Variants in CD72 observed in about 807,000 individuals in gnomAD.
CD72 encodes B-cell differentiation antigen CD72.
Under a neutral mutation model 50.7 loss-of-function variants are expected in CD72, and 28 were observed. The ratio of observed to expected loss-of-function variants is 0.55; its 90% CI spans 0.41 to 0.76. The LOEUF is 0.76. Ranked by LOEUF, CD72 falls within the 30% of genes least tolerant of loss-of-function variation. CD72 has a pLI of 0.00. For missense variants in CD72, 403 were observed against 420.6 expected, an observed-to-expected ratio of 0.96 and a Z score of 0.37; for synonymous variants, 176 against 171.2, an observed-to-expected ratio of 1.03 and a Z score of -0.22.
chr9:35,645,591 A>C (rs1442079756), intron 1 of CD72, among the ~76,000 whole-genome samples: 2 of 112,706 alleles, frequency 1.8e-5, no homozygotes, highest in African/African-American at 5.3e-5. Context: ...CAAAAAACAA[A>C]AACAAACAAA....
At chr9:35,625,717 G>A (rs566584753) in intron 1 of CD72, among the ~76,000 whole-genome samples, 3 of 152,284 alleles carry the variant, frequency 2.0e-5, no homozygotes, top group East Asian at 3.9e-4. Flanking sequence ...AATGCAGCTC[G>A]TGGCTTTAAG....
At chr9:35,630,076 G>A (rs1823230039) in intron 1 of CD72, among the ~76,000 whole-genome samples, 1 of 129,382 alleles carries the variant, frequency 7.7e-6, no homozygotes, top group Non-Finnish European at 1.6e-5. Flanking sequence ...TTGCCCTGTC[G>A]CCGCCCAGGC....
chr9:35,616,812 T>C, intron 3 of CD72, 123 bp from the exon 4 acceptor site: 1 of 1,009,744 alleles, frequency 9.9e-7, no homozygotes, highest in Non-Finnish European at 1.5e-6. Context: ...GGTGCAGAGC[T>C]GAGGGGGCAA....
At chr9:35,613,994 G>T (rs959891781) in intron 5 of CD72, among the ~76,000 whole-genome samples, 1 of 150,654 alleles carries the variant, frequency 6.6e-6, no homozygotes, top group Non-Finnish European at 1.5e-5. Context: ...GTGCACTTCA[G>T]TCTCACAGAG....
chr9:35,632,114 A>G (rs1463811995), intron 1 of CD72, among the ~76,000 whole-genome samples: 4 of 150,490 alleles, frequency 2.7e-5, no homozygotes, highest in African/African-American at 4.9e-5. Context: ...AAAGATATCC[A>G]TTTCCTCTAA....
At chr9:35,610,536 GA>G (rs1347797649) in intron 8 of CD72, 65 bp downstream of exon 8, 5 of 297,708 alleles carry the variant, frequency 1.7e-5, no homozygotes, top group African/African-American at 7.7e-5. Context: ...CCCCTGCTCT[GA>G]GTCCCTGCTC....
At chr9:35,632,270 C>T (rs966273925) in intron 1 of CD72, among the ~76,000 whole-genome samples, 3 of 149,456 alleles carry the variant, frequency 2.0e-5, no homozygotes, top group South Asian at 2.1e-4. Context: ...CTCCGTCTTC[C>T]GGGTTCACGC....
chr9:35,616,485 A>C, intron 4 of CD72, 115 bp downstream of exon 4: 1 of 971,886 alleles, frequency 1.0e-6, no homozygotes, highest in South Asian at 1.4e-5. Flanking sequence ...CCAAACCCAA[A>C]GCTAAGGAGG....
At chr9:35,625,182 T>G (rs1238682519) in intron 1 of CD72, among the ~76,000 whole-genome samples, 1 of 152,204 alleles carries the variant, frequency 6.6e-6, no homozygotes. Context: ...TTAGCCAAGT[T>G]GCAAATGCAA....
At chr9:35,636,275 T>C (rs1823288930) in intron 1 of CD72, among the ~76,000 whole-genome samples, 1 of 152,174 alleles carries the variant, frequency 6.6e-6, no homozygotes, top group African/African-American at 2.4e-5. Context: ...AAGTCACCCC[T>C]GGTTGAGAAC....
upstream of CD72, among the ~76,000 whole-genome samples, chr9:35,620,661 T>A (rs1345276827): frequency 6.6e-6 from 1 of 151,968 alleles, no homozygotes; most frequent in Non-Finnish European, 1.5e-5. Flanking sequence ...TGAAATCCCA[T>A]CTGTATTAAA....
intron 5 of CD72, 98 bp downstream of exon 5, chr9:35,615,845 C>T: frequency 1.0e-6 from 1 of 966,500 alleles, no homozygotes; most frequent in South Asian, 1.5e-5. Flanking sequence ...TGCCCCTTTC[C>T]TGAACACCTC....
At chr9:35,625,245 G>T (rs762104952) in intron 1 of CD72, among the ~76,000 whole-genome samples, 1 of 152,224 alleles carries the variant, frequency 6.6e-6, no homozygotes, top group Non-Finnish European at 1.5e-5. Context: ...ACACAGAAAT[G>T]ATAAGAAAGC....
chr9:35,614,141 G>A (rs187319729), intron 5 of CD72, among the ~76,000 whole-genome samples: 1 of 152,366 alleles, frequency 6.6e-6, no homozygotes, highest in Admixed American at 6.5e-5. Flanking sequence ...ATATTATGAG[G>A]AAGAGAAAGT....
chr9:35,622,594 C>G (rs193209259), upstream of CD72, among the ~76,000 whole-genome samples: 4 of 152,072 alleles, frequency 2.6e-5, no homozygotes, highest in Non-Finnish European at 4.4e-5. Flanking sequence ...CGAGACCAGC[C>G]TGGCCAATAT....
intron 1 of CD72, among the ~76,000 whole-genome samples, chr9:35,635,130 C>T (rs1353291127): frequency 6.6e-6 from 1 of 152,142 alleles, no homozygotes; most frequent in Non-Finnish European, 1.5e-5. Flanking sequence ...AAATAACTTG[C>T]TTTCTGCCTT....
intron 1 of CD72, among the ~76,000 whole-genome samples, chr9:35,637,502 C>A (rs1409410423): frequency 3.9e-5 from 6 of 152,222 alleles, no homozygotes; most frequent in Admixed American, 3.9e-4. Context: ...GGTCTTTTCA[C>A]TCTCTTCTCC....
intron 1 of CD72, among the ~76,000 whole-genome samples, chr9:35,627,640 A>T (rs1038125557): frequency 6.6e-6 from 1 of 152,162 alleles, no homozygotes; most frequent in Admixed American, 6.5e-5. Flanking sequence ...GAAGGCTCAG[A>T]AATGAAGGTC....
chr9:35,624,622 C>T (rs1278258932), intron 1 of CD72, among the ~76,000 whole-genome samples: 1 of 152,114 alleles, frequency 6.6e-6, no homozygotes, highest in Non-Finnish European at 1.5e-5. Context: ...AATGTCCAGG[C>T]ACACCTCATT....
Sources: allele counts gnomAD v4.1 joint callset (sites outside exome capture counted in the v4.1 genomes callset), GRCh38; gene constraint gnomAD v4.1.1; transcripts MANE v1.5; gene names NCBI Gene and HGNC (gene_info 2026-07-23, HGNC 2026-07-21).